ZNF785: variants seen among roughly 807,000 people sequenced by gnomAD.
The protein encoded by ZNF785 is zinc finger protein 785.
ZNF785 carries 15 observed loss-of-function variants against 11.3 expected under a neutral mutation model. The observed-to-expected ratio is 1.32, with a 90% CI of 0.89 to 2.04. The LOEUF is 2.04. Ranked by LOEUF, ZNF785 falls within the 30% of genes most tolerant of loss-of-function variation. The probability of loss-of-function intolerance (pLI) is 0.00; values close to 1 mark genes in which losing one functional copy is unlikely to be tolerated. For missense variants in ZNF785, 572 were observed against 560.9 expected, an observed-to-expected ratio of 1.02 and a Z score of -0.20; for synonymous variants, 221 against 231.0, an observed-to-expected ratio of 0.96 and a Z score of 0.39.
At position 30,582,694 on chromosome 16, in the gene ZNF785, G is replaced by T. The variant is rs376625896; in HGVS notation, c.1084C>A (p.His362Asn). The T allele has an allele frequency of 6.2e-7, 1 of 1,613,846 alleles. No individual in the cohort carries two copies. The highest frequency in any genetic ancestry group is 8.5e-7 in the Non-Finnish European group (1 of 1,179,960). ...KTALEAHRWIHRSCSERRAWQ... is the reference protein window; with the variant it reads ...KTALEAHRWINRSCSERRAWQ... ...GCGCGCCTCTCGCTGCAGGAGCGGT[G>T]GATCCACCGATGGGCTTCCAGGGCG... The change falls in exon 3 of 3, where the codon CAC (histidine) becomes AAC (asparagine). Residue 362 changes from histidine (H) to asparagine (N), a missense_variant. Physicochemically the swap from His to Asn is moderately conservative, Grantham distance 68. Transcript: ENST00000395216.
Position 30,582,117 on chromosome 16 carries a change from G to GC in ZNF785, c.*442dup, listed in dbSNP as rs200277882. ...AGAAAAGAATCCTGGGATGAGCTCC[G>GC]CCCCCCCCACCAGCCGAGGGACAGG... is the stretch of plus-strand genomic sequence containing the variant. On this transcript the variant is annotated 3_prime_UTR_variant, in exon 3 of 3. Coordinates refer to ENST00000395216, the MANE Select transcript of ZNF785 (RefSeq NM_152458.7). The GC allele has an allele frequency of 4.7e-3, 762 of 160,580 alleles. 6 individuals are homozygous for GC. The highest frequency in any genetic ancestry group is 5.7e-3 in the East Asian group (31 of 5,412). 9.9% of individuals were successfully genotyped at this position (160,580 alleles called of 1,614,324 possible). A position where few individuals can be genotyped will look rare whatever the true frequency, so the allele number is the denominator to read the frequency against.
Position 30,582,987 on chromosome 16 carries a change from C to T in ZNF785, c.791G>A (p.Arg264His). ...GGCCAGCAGGTAGGGGTAAGTGAAGCGACTCTTGCAGTCTGAGCACGCGTA... is the reference window on the plus strand; with the variant it reads ...GGCCAGCAGGTAGGGGTAAGTGAAGTGACTCTTGCAGTCTGAGCACGCGTA... ...KPYACSDCKSRFTYPYLLAIH... is the reference protein window; with the variant it reads ...KPYACSDCKSHFTYPYLLAIH... Residue 264 changes from arginine (R) to histidine (H), a missense_variant, in exon 3 of 3, where the codon CGC becomes CAC. Coordinates refer to ENST00000395216, the MANE Select transcript of ZNF785 (RefSeq NM_152458.7). 6.2e-7 allele frequency: 1 copy of T among 1,613,960 alleles called. No homozygotes were observed. The highest frequency in any genetic ancestry group is 8.5e-7 in the Non-Finnish European group (1 of 1,179,960).
Position 30,582,630 on chromosome 16 carries a change from G to C in ZNF785, c.1148C>G (p.Pro383Arg). 3 of 1,614,210 alleles carry C rather than the reference G, an allele frequency of 1.9e-6. No individual in the cohort carries two copies. Among genetic ancestry groups the C allele is most frequent in the Non-Finnish European group, 2.5e-6 (3 of 1,180,052 alleles). ...QAVVGRSEPI[P>R]VLGGKDPPVH... is the part of the protein sequence containing the mutation. ...TGGGGGATCCTTGCCTCCCAAAACA[G>C]GGATGGGCTCTGAACGCCCCACCAC... is the stretch of plus-strand genomic sequence containing the variant. Residue 383 changes from proline to arginine, a missense_variant, in exon 3 of 3, where the codon CCT (proline) becomes CGT (arginine). Transcript: ENST00000395216.
Position 30,583,197 on chromosome 16 carries a change from TGGACCCGCTGGTGGCTGG to T in ZNF785, c.563_580del (p.Ala188_His194delinsAsp). The T allele has an allele frequency of 6.2e-7, 1 of 1,613,888 alleles. No homozygotes were observed. The stretch of plus-strand genomic sequence containing the variant: ...GCAGGAGAAGGGCCGCTCCCCGGAG[TGGACCCGCTGGTGGCTGG>T]CCAGGAGGGAAGGGTAGCTGAAGTT... On this transcript the variant is annotated inframe_deletion, in exon 3 of 3. Transcript: ENST00000395216.
In ZNF785 at chr16:30,585,436, C is replaced by A; in HGVS notation, c.176G>T (p.Arg59Leu). 6.3e-7 allele frequency: 1 copy of A among 1,598,528 alleles called. No homozygotes were observed. The highest frequency in any genetic ancestry group is 1.3e-5 in the African/African-American group (1 of 74,692). The part of the protein sequence containing the change: ...AQRALYRDVM[R>L]ETFGHLGALG... Reference sequence around the variant, plus strand: ...CGCGCCCAGGTGGCCGAAGGTCTCCCGCATCACGTCCCGGTACAGGGCCCT... The same window carrying A: ...CGCGCCCAGGTGGCCGAAGGTCTCCAGCATCACGTCCCGGTACAGGGCCCT... The change falls in exon 1 of 3, where the codon CGG (arginine) becomes CTG (leucine). Residue 59 changes from arginine to leucine, a missense_variant. Coordinates refer to ENST00000395216, the MANE Select transcript of ZNF785 (RefSeq NM_152458.7). This position sits in a 1 kb window ranked among gnomAD's most constrained non-coding sequence, Gnocchi z 4.0.
rs2051821898 is a variant in ZNF785, at chr16:30,582,372, G to A, written c.*188C>T. 1.3e-6 allele frequency: 1 copy of A among 783,264 alleles called. No homozygotes were observed. Among genetic ancestry groups the A allele is most frequent in the South Asian group, 1.9e-5 (1 of 53,194 alleles). 48.5% of individuals were successfully genotyped at this position (783,264 alleles called of 1,614,324 possible). ...TGTGTGCTGGAGCTTCAGAAAATGG[G>A]GTCAACCCCCAGGCACCTTTTCAGA... On this transcript the variant is annotated 3_prime_UTR_variant, in exon 3 of 3. Coordinates refer to ENST00000395216, the MANE Select transcript of ZNF785 (RefSeq NM_152458.7).
rs552503849 is a variant in ZNF785, at chr16:30,582,679, C to T, written c.1099G>A (p.Glu367Lys). 1.2e-5 allele frequency: 19 copies of T among 1,613,988 alleles called. No homozygotes were observed. Among genetic ancestry groups the T allele is most frequent in the East Asian group, 2.2e-5 (1 of 44,898 alleles). ...ACGGCCTGCTGCCACGCGCGCCTCT[C>T]GCTGCAGGAGCGGTGGATCCACCGA... is the stretch of plus-strand genomic sequence containing the variant. ...AHRWIHRSCS[E>K]RRAWQQAVVG... Residue 367 changes from glutamate to lysine, a missense_variant, in exon 3 of 3, where the codon GAG becomes AAG. Physicochemically the swap from Glu to Lys is moderately conservative, Grantham distance 56. Transcript: ENST00000395216.
At chr16:30,578,457 G>A (rs2051768117), downstream of ZNF785, 1 of 152,240 alleles carries the variant, frequency 6.6e-6, no homozygotes, top group Non-Finnish European at 1.5e-5. Context: ...TACAGGAGAT[G>A]ACTGGGCTTC....
Position 30,583,077 on chromosome 16 carries a change from C to T in ZNF785, c.701G>A (p.Gly234Glu). 6.2e-7 allele frequency: 1 copy of T among 1,614,010 alleles called. No individual in the cohort carries two copies. Among genetic ancestry groups the T allele is most frequent in the South Asian group, 1.1e-5 (1 of 91,074 alleles). ...GEKPYPCPDC[G>E]RRFRQRGSLA... is the part of the protein sequence containing the mutation. ...GGAACCCCTCTGGCGGAAGCGGCGCCCGCAGTCGGGGCAGGGGTAGGGCTT... is the reference window on the plus strand; with the variant it reads ...GGAACCCCTCTGGCGGAAGCGGCGCTCGCAGTCGGGGCAGGGGTAGGGCTT... Residue 234 changes from glycine to glutamate, a missense_variant, in exon 3 of 3, where the codon GGG becomes GAG. Coordinates refer to ENST00000395216, the MANE Select transcript of ZNF785 (RefSeq NM_152458.7).
intron 2 of ZNF785, among the ~76,000 whole-genome samples, chr16:30,584,100 G>A (rs901901830): frequency 4.0e-5 from 6 of 151,436 alleles, no homozygotes; most frequent in Non-Finnish European, 5.9e-5. Context: ...AGCCAACCTC[G>A]TGCCACTGCA....
At position 30,585,592 on chromosome 16, in the gene ZNF785, G is replaced by T. The variant is rs1409001173; in HGVS notation, c.20C>A (p.Pro7Gln). 1.1e-5 allele frequency: 16 copies of T among 1,508,644 alleles called. No individual in the cohort carries two copies. The East Asian group carries it at 1.7e-4, about 16-fold the overall frequency. 93.5% of individuals were successfully genotyped at this position (1,508,644 alleles called of 1,614,324 possible). Residue 7 changes from proline (P) to glutamine (Q), a missense_variant, in exon 1 of 3, where the codon CCG (proline) becomes CAG (glutamine). Transcript: ENST00000395216. This position sits in a 1 kb window ranked among gnomAD's most constrained non-coding sequence, Gnocchi z 4.0. MGPPLA[P>Q]RPAHVPGEAG... ...CTCCCCGGGTACGTGGGCCGGGCGC[G>T]GCGCCAGGGGCGGCCCCATGGGAAA...
Position 30,582,765 on chromosome 16 carries a change from C to G in ZNF785, c.1013G>C (p.Arg338Pro). The change falls in exon 3 of 3, where the codon CGG (arginine) becomes CCG (proline). Residue 338 changes from arginine (R) to proline (P), a missense_variant. Transcript: ENST00000395216. ...CCCACACTCCACGCAGGGGAAGGGC[C>G]GGCTGTCGGAGTGAATGCGCCGGTG... ...LSHRRIHSDS[R>P]PFPCVECGKG... 2 of 1,606,356 alleles carry G rather than the reference C, an allele frequency of 1.2e-6. No individual in the cohort carries two copies. Among genetic ancestry groups the G allele is most frequent in the Non-Finnish European group, 8.5e-7 (1 of 1,174,870 alleles).
rs1294370122 is a variant in ZNF785, at chr16:30,583,112, G to A, written c.666C>T (p.His222=). 6.2e-7 allele frequency: 1 copy of A among 1,614,170 alleles called. No homozygotes were observed. The highest frequency in any genetic ancestry group is 8.5e-7 in the Non-Finnish European group (1 of 1,180,012). ...RRYLLQHQFI[H]TGEKPYPCPD... ...GGCAGGGGTAGGGCTTCTCGCCGGT[G>A]TGGATGAACTGATGCTGGAGCAGGT... Residue 222 remains histidine, a synonymous_variant, in exon 3 of 3, where the codon CAC becomes CAT. Transcript: ENST00000395216.
At position 30,585,679 on chromosome 16, in the gene ZNF785, T is replaced by G; in HGVS notation, c.-68A>C. ...GTGGAGATGCTGGCGCTTTCCTGTC[T>G]TTCCTCAGACAAGTCCGTAAGGGAC... is the stretch of plus-strand genomic sequence containing the variant. On this transcript the variant is annotated 5_prime_UTR_variant, in exon 1 of 3. Coordinates refer to ENST00000395216, the MANE Select transcript of ZNF785 (RefSeq NM_152458.7). The surrounding 1 kb of genome is among the most constrained non-coding windows in gnomAD (Gnocchi z 4.0). 6.9e-7 allele frequency: 1 copy of G among 1,443,380 alleles called. No homozygotes were observed. Among genetic ancestry groups the G allele is most frequent in the Non-Finnish European group, 9.0e-7 (1 of 1,105,814 alleles). 89.4% of individuals were successfully genotyped at this position (1,443,380 alleles called of 1,614,324 possible).
At position 30,581,647 on chromosome 16, in the gene ZNF785, GT is replaced by G. The variant is rs1178815113; in HGVS notation, c.*912del. On this transcript the variant is annotated 3_prime_UTR_variant, in exon 3 of 3. Coordinates refer to ENST00000395216, the MANE Select transcript of ZNF785 (RefSeq NM_152458.7). The stretch of plus-strand genomic sequence containing the variant: ...GTTCCAGAGTCCGCTATGTTTGATA[GT>G]TTGTGCACTTGCAGAATGAGAGTGG... The G allele has an allele frequency of 2.0e-5, 3 of 152,172 alleles. No individual in the cohort carries two copies. The highest frequency in any genetic ancestry group is 4.4e-5 in the Non-Finnish European group (3 of 68,054). 9.4% of individuals were successfully genotyped at this position (152,172 alleles called of 1,614,324 possible). A position where few individuals can be genotyped will look rare whatever the true frequency, so the allele number is the denominator to read the frequency against.
chr16:30,582,531 G>A lies in ZNF785; in HGVS notation c.*29C>T, dbSNP rs761607847. ...CAAACCTTGCCTCTTCCTCTCCAGG[G>A]AAACGCTGACCAGTTTGTGTGAACG... On this transcript the variant is annotated 3_prime_UTR_variant, in exon 3 of 3. Coordinates refer to ENST00000395216, the MANE Select transcript of ZNF785 (RefSeq NM_152458.7). 1 of 1,610,068 alleles carries A rather than the reference G, an allele frequency of 6.2e-7. No homozygotes were observed. The highest frequency in any genetic ancestry group is 8.5e-7 in the Non-Finnish European group (1 of 1,177,378).
chr16:30,583,270 G>C lies in ZNF785; in HGVS notation c.508C>G (p.Leu170Val). The change falls in exon 3 of 3, where the codon CTG (leucine) becomes GTG (valine). Residue 170 changes from leucine (L) to valine (V), a missense_variant. By Grantham distance (32) the Leu-to-Val change is conservative. Transcript: ENST00000395216. ...PWLKDTLTRR[L>V]PHSCPDCGRN... Reference sequence around the variant, plus strand: ...CCACAGTCTGGGCAAGAGTGGGGCAGTCTTCGGGTCAGAGTGTCCTTGAGC... The same window carrying C: ...CCACAGTCTGGGCAAGAGTGGGGCACTCTTCGGGTCAGAGTGTCCTTGAGC... 1 of 1,613,842 alleles carries C rather than the reference G, an allele frequency of 6.2e-7. No homozygotes were observed. Among genetic ancestry groups the C allele is most frequent in the Non-Finnish European group, 8.5e-7 (1 of 1,179,760 alleles).
Position 30,581,164 on chromosome 16 carries a change from CA to C in ZNF785, c.*1395del, listed in dbSNP as rs1172448964. ...GGGCAACAAGAGCGAAACTCCATCTCAAAAAAAAAAAGAGGCTGGGTGCAGT... is the reference window on the plus strand; with the variant it reads ...GGGCAACAAGAGCGAAACTCCATCTCAAAAAAAAAAGAGGCTGGGTGCAGT... On this transcript the variant is annotated 3_prime_UTR_variant, in exon 3 of 3. Coordinates refer to ENST00000395216, the MANE Select transcript of ZNF785 (RefSeq NM_152458.7). 88 of 138,902 alleles carry C rather than the reference CA, an allele frequency of 6.3e-4. No homozygotes were observed. Among genetic ancestry groups the C allele is most frequent in the Non-Finnish European group, 8.0e-4 (51 of 63,894 alleles). The allele number at this position is 138,902 out of a possible 1,614,324, so 8.6% of individuals were successfully genotyped here.
At chr16:30,578,893 T>C (rs1280322528), downstream of ZNF785, 1 of 149,614 alleles carries the variant, frequency 6.7e-6, no homozygotes, top group African/African-American at 2.5e-5. Flanking sequence ...CATAGCTCAC[T>C]ATAGCCTCAA....
Sources: allele counts gnomAD v4.1 joint callset (sites outside exome capture counted in the v4.1 genomes callset), GRCh38; gene constraint gnomAD v4.1.1; non-coding constraint Gnocchi (gnomAD v3.1); transcripts MANE v1.5; gene names NCBI Gene and HGNC (gene_info 2026-07-23, HGNC 2026-07-21).